The following PLCB1 variants were observed in gnomAD, a reference collection of about 807,000 sequenced individuals.
PLCB1 encodes phospholipase C beta 1, also known as 1-phosphatidylinositol 4,5-bisphosphate phosphodiesterase beta-1.
A neutral mutation model predicts 161.8 loss-of-function variants in PLCB1; 46 were observed. That is an observed-to-expected ratio of 0.28 (90% CI 0.22 to 0.36). PLCB1 has a LOEUF of 0.36. Ranked by LOEUF, PLCB1 falls within the 10% of genes least tolerant of loss-of-function variation. PLCB1 has a pLI of 1.00. For synonymous variants in PLCB1, 517 were observed against 503.7 expected, an observed-to-expected ratio of 1.03 and a Z score of -0.35; for missense variants, 1,016 against 1,472.5, an observed-to-expected ratio of 0.69 and a Z score of 5.07.
chr20:8,609,609 G>C (rs569201341), intron 3 of PLCB1, among the ~76,000 whole-genome samples: 1 of 152,236 alleles, frequency 6.6e-6, no homozygotes, highest in East Asian at 1.9e-4. Flanking sequence ...ATATTTTGAA[G>C]TTTTCTTCAA....
At chr20:8,675,760 G>T (rs989452370) in intron 9 of PLCB1, among the ~76,000 whole-genome samples, 1 of 152,162 alleles carries the variant, frequency 6.6e-6, no homozygotes. Flanking sequence ...TAATAGATAA[G>T]AAATGACCAT....
At chr20:8,798,589 CA>C (rs1311750845) in intron 31 of PLCB1, among the ~76,000 whole-genome samples, 2 of 152,082 alleles carry the variant, frequency 1.3e-5, no homozygotes, top group African/African-American at 2.4e-5. Flanking sequence ...CACACACACA[CA>C]CACACCCCTG....
chr20:8,538,825 A>G (rs1455306164), intron 3 of PLCB1, among the ~76,000 whole-genome samples: 1 of 138,734 alleles, frequency 7.2e-6, no homozygotes, highest in Non-Finnish European at 1.5e-5. Flanking sequence ...ATGGAGTCCC[A>G]CTGTGTCACC....
chr20:8,250,971 C>T (rs1016252581), intron 2 of PLCB1, among the ~76,000 whole-genome samples: 2 of 151,962 alleles, frequency 1.3e-5, no homozygotes, highest in Non-Finnish European at 2.9e-5. Flanking sequence ...ACTGCTATTA[C>T]AACAATACCT....
intron 27 of PLCB1, among the ~76,000 whole-genome samples, chr20:8,780,556 G>A (rs985298989): frequency 1.1e-4 from 17 of 151,960 alleles, no homozygotes; most frequent in African/African-American, 3.4e-4. Flanking sequence ...TGAATGGCTC[G>A]CGTTCTTCTT....
Position 8,663,769 on chromosome 20 carries a change from A to G in PLCB1, c.862+5065A>G, listed in dbSNP as rs544989310. 5.3e-5 allele frequency among the ~76,000 whole-genome samples: 8 copies of G among 152,240 alleles called. No individual in the cohort carries two copies. In the South Asian group the frequency reaches 1.7e-3, roughly 32 times the overall value. ...AAAATGCCATGGCCTCTGGTCAGCA[A>G]AAGTTTTTTCCTTTCCATCTTGTTT... On this transcript the variant is annotated intron_variant, in intron 9 of 31. Coordinates refer to ENST00000338037, the MANE Select transcript of PLCB1 (RefSeq NM_015192.4).
chr20:8,526,939 C>A (rs962076925), intron 3 of PLCB1, among the ~76,000 whole-genome samples: 1 of 126,458 alleles, frequency 7.9e-6, no homozygotes, highest in African/African-American at 2.9e-5. Context: ...TAATAAAGAG[C>A]AGAGCAAAAC....
rs144232464 is a variant in PLCB1, at chr20:8,766,509, G to A, written c.2930+1151G>A. Among the ~76,000 whole-genome samples, 347 of 152,334 alleles carry A rather than the reference G, an allele frequency of 2.3e-3. 2 individuals carry two copies. The highest frequency in any genetic ancestry group is 0.02 in the Admixed American group (302 of 15,302). ...AGGAACAGTAAAGCTGGCAAAGTGG[G>A]TGAAACATTGTAAACCATGAGAGGA... On this transcript the variant is annotated intron_variant, in intron 26 of 31. Coordinates refer to ENST00000338037, the MANE Select transcript of PLCB1 (RefSeq NM_015192.4).
intron 5 of PLCB1, among the ~76,000 whole-genome samples, chr20:8,646,630 C>T (rs994001256): frequency 2.0e-5 from 3 of 152,104 alleles, no homozygotes; most frequent in Non-Finnish European, 4.4e-5. Context: ...AATCAATAGG[C>T]TGACATCCTG....
At chr20:8,819,956 A>C (rs893236448) in intron 31 of PLCB1, among the ~76,000 whole-genome samples, 1 of 150,490 alleles carries the variant, frequency 6.6e-6, no homozygotes, top group Admixed American at 6.6e-5. Context: ...TGGTTTATTT[A>C]TATGTATTAT....
Position 8,386,925 on chromosome 20 carries a change from T to C in PLCB1, c.246+15475T>C, listed in dbSNP as rs114566645. ...ACCAACCACTGCTAGCTTCATACTT[T>C]TCTTTTGCAGCTTTCTAGCCTCTCT... On this transcript the variant is annotated intron_variant, in intron 3 of 31. Coordinates refer to ENST00000338037, the MANE Select transcript of PLCB1 (RefSeq NM_015192.4). Among the ~76,000 whole-genome samples the C allele has an allele frequency of 1.0e-2, 1,521 of 152,328 alleles. 28 individuals are homozygous for C. The highest frequency in any genetic ancestry group is 0.035 in the African/African-American group (1,455 of 41,554).
chr20:8,265,192 T>C (rs1295574160), intron 2 of PLCB1, among the ~76,000 whole-genome samples: 2 of 152,158 alleles, frequency 1.3e-5, no homozygotes, highest in Non-Finnish European at 2.9e-5. Flanking sequence ...TTGAACAATC[T>C]CAATCTTCTC....
chr20:8,321,368 G>A (rs1173418168), intron 2 of PLCB1, among the ~76,000 whole-genome samples: 3 of 152,122 alleles, frequency 2.0e-5, no homozygotes. Flanking sequence ...TGTGTTCTAA[G>A]CATTTCGTTC....
At chr20:8,829,787 A>T (rs888918102) in intron 31 of PLCB1, among the ~76,000 whole-genome samples, 1 of 152,234 alleles carries the variant, frequency 6.6e-6, no homozygotes, top group African/African-American at 2.4e-5. Context: ...ACCAAATAAA[A>T]AGTACTCAGT....
At chr20:8,579,134 A>G (rs6039201) in intron 3 of PLCB1, among the ~76,000 whole-genome samples, 74,670 of 152,100 alleles carry the variant, frequency 0.49, 20,462 homozygotes, top group African/African-American at 0.74. Flanking sequence ...GCCCTTAGAC[A>G]TGTAACTTTA....
At chr20:8,516,753 AAG>A (rs1984144514) in intron 3 of PLCB1, among the ~76,000 whole-genome samples, 1 of 140,036 alleles carries the variant, frequency 7.1e-6, no homozygotes, top group South Asian at 2.4e-4. Flanking sequence ...AGTCACCTGT[AAG>A]AGTTTTTGAC....
intron 31 of PLCB1, among the ~76,000 whole-genome samples, chr20:8,866,058 A>G (rs1417035749): frequency 1.3e-5 from 2 of 152,230 alleles, no homozygotes; most frequent in African/African-American, 4.8e-5. Context: ...ATCTATTAAC[A>G]AAAGGATCTG....
At chr20:8,840,422 A>C (rs192363743) in intron 31 of PLCB1, among the ~76,000 whole-genome samples, 1 of 152,318 alleles carries the variant, frequency 6.6e-6, no homozygotes, top group East Asian at 1.9e-4. Flanking sequence ...AGCTCCAAAA[A>C]TAGAGTGAGT....
intron 3 of PLCB1, among the ~76,000 whole-genome samples, chr20:8,396,845 A>G (rs1987783933): frequency 6.6e-6 from 1 of 152,086 alleles, no homozygotes; most frequent in African/African-American, 2.4e-5. Flanking sequence ...TATTTTTAAT[A>G]TTTATCAGTT....
Sources: allele counts gnomAD v4.1 joint callset (sites outside exome capture counted in the v4.1 genomes callset), GRCh38; gene constraint gnomAD v4.1.1; transcripts MANE v1.5; gene names NCBI Gene and HGNC (gene_info 2026-07-23, HGNC 2026-07-21).